Variants in KCTD19 observed in about 807,000 individuals in gnomAD.
The protein encoded by KCTD19 is BTB/POZ domain-containing protein KCTD19.
A neutral mutation model predicts 103.5 loss-of-function variants in KCTD19; 67 were observed. The observed-to-expected ratio is 0.65, with a 90% CI of 0.53 to 0.79. KCTD19 has a LOEUF of 0.79. Ranked by LOEUF, KCTD19 falls within the 30% of genes least tolerant of loss-of-function variation. The pLI, the probability that KCTD19 is intolerant of heterozygous loss-of-function variation, is 0.00. For missense variants in KCTD19, 980 were observed against 1,136.1 expected (o/e 0.86, Z 1.98); for synonymous variants, 439 against 452.2 (o/e 0.97, Z 0.37).
intron 2 of KCTD19, among the ~76,000 whole-genome samples, chr16:67,312,304 C>A (rs1597398267): frequency 6.6e-6 from 1 of 152,220 alleles, no homozygotes; most frequent in Non-Finnish European, 1.5e-5. Flanking sequence ...GACTCCCACC[C>A]AGGCTGATGG....
chr16:67,308,811 C>T (rs994572673), intron 2 of KCTD19, among the ~76,000 whole-genome samples: 1 of 151,998 alleles, frequency 6.6e-6, no homozygotes, highest in Non-Finnish European at 1.5e-5. Context: ...TGTTCTAGAA[C>T]CTAGCATGCA....
chr16:67,325,199 C>CTTTTTTTT (rs918808425), intron 1 of KCTD19, among the ~76,000 whole-genome samples: 21 of 132,322 alleles, frequency 1.6e-4, no homozygotes, highest in African/African-American at 5.2e-4. Context: ...TTCTTTTTTT[C>CTTTTTTTT]TTTTTTTCTT....
In KCTD19 at chr16:67,323,654, G is replaced by GA. The variant is rs2037099372; in HGVS notation, c.4-2770dup. ...TGATTCCATCCACATGCAATGTGTGGACAAGGCAAATTTCTAGAGATAGAA... is the reference window on the plus strand; with the variant it reads ...TGATTCCATCCACATGCAATGTGTGGAACAAGGCAAATTTCTAGAGATAGAA... On this transcript the variant is annotated intron_variant, in intron 1 of 15. Coordinates refer to ENST00000304372, the MANE Select transcript of KCTD19 (RefSeq NM_001100915.3). This position sits in a 1 kb window ranked among gnomAD's most constrained non-coding sequence, Gnocchi z 4.1. Among the ~76,000 whole-genome samples the GA allele has an allele frequency of 6.6e-6, 1 of 152,200 alleles. No individual in the cohort carries two copies.
chr16:67,304,358 G>A (rs1315749968), intron 3 of KCTD19, 63 bp downstream of exon 3: 6 of 1,536,336 alleles, frequency 3.9e-6, no homozygotes, highest in African/African-American at 1.4e-5. Context: ...AGCCACTTCT[G>A]TTAGGGTGAG....
chr16:67,304,268 G>A (rs1408231184), intron 3 of KCTD19, among the ~76,000 whole-genome samples, 153 bp downstream of exon 3: 1 of 152,134 alleles, frequency 6.6e-6, no homozygotes, highest in African/African-American at 2.4e-5. Flanking sequence ...GCCATGGAGA[G>A]GGCCTGTGGC....
At chr16:67,304,978 A>C (rs1477744527) in intron 2 of KCTD19, among the ~76,000 whole-genome samples, 1 of 152,132 alleles carries the variant, frequency 6.6e-6, no homozygotes, top group Non-Finnish European at 1.5e-5. Context: ...ACTTACTTTA[A>C]GTGTTTTGAA....
Position 67,303,526 on chromosome 16 carries a change from A to G in KCTD19, c.452-189T>C, listed in dbSNP as rs1386763237. Among the ~76,000 whole-genome samples the G allele has an allele frequency of 6.6e-6, 1 of 151,372 alleles. No individual in the cohort carries two copies. The highest frequency in any genetic ancestry group is 2.4e-5 in the African/African-American group (1 of 40,820). On this transcript the variant is annotated intron_variant, in intron 3 of 15. Coordinates refer to ENST00000304372, the MANE Select transcript of KCTD19 (RefSeq NM_001100915.3). This position sits in a 1 kb window ranked among gnomAD's most constrained non-coding sequence, Gnocchi z 4.3. ...TGTAGCCCTAAGGAGTGTGGTAGGG[A>G]GTGGGGCATGGAAGTCTATTTTTTT...
chr16:67,313,212 C>T (rs151000254), intron 2 of KCTD19, among the ~76,000 whole-genome samples: 3 of 151,830 alleles, frequency 2.0e-5, no homozygotes, highest in East Asian at 1.9e-4. Flanking sequence ...TAGGTTCAAG[C>T]GATTCTCTCA....
Position 67,297,084 on chromosome 16 carries a change from C to T in KCTD19, c.1147+419G>A, listed in dbSNP as rs561371488. ...GTGAAAACAACATTAGCTTTGGACT[C>T]AGTCAAACCCCAGCTTGACCACTGT... On this transcript the variant is annotated intron_variant, in intron 7 of 15. Coordinates refer to ENST00000304372, the MANE Select transcript of KCTD19 (RefSeq NM_001100915.3). Among the ~76,000 whole-genome samples the T allele has an allele frequency of 1.1e-4, 17 of 152,348 alleles. No homozygotes were observed. The South Asian group carries it at 2.7e-3, about 24-fold the overall frequency.
At chr16:67,297,745 G>C in intron 6 of KCTD19, 82 bp from the exon 7 acceptor site, 1 of 1,391,108 alleles carries the variant, frequency 7.2e-7, no homozygotes, top group Non-Finnish European at 9.8e-7. Context: ...CCATGCCTAG[G>C]ATGCCTTGCC....
At chr16:67,297,376 A>T in intron 7 of KCTD19, 127 bp downstream of exon 7, 2 of 971,492 alleles carry the variant, frequency 2.1e-6, no homozygotes, top group Non-Finnish European at 3.1e-6. Context: ...AAAAATCCAA[A>T]ATATTGGCCT....
intron 11 of KCTD19, 55 bp downstream of exon 11, chr16:67,294,525 G>T: frequency 8.0e-7 from 1 of 1,248,526 alleles, no homozygotes; most frequent in African/African-American, 1.5e-5. Context: ...TCCACCCTGA[G>T]CCCGGTGGTA....
Position 67,293,395 on chromosome 16 carries a change from T to C in KCTD19, c.2218+149A>G, listed in dbSNP as rs986703356. On this transcript the variant is annotated intron_variant, in intron 12 of 15. Coordinates refer to ENST00000304372, the MANE Select transcript of KCTD19 (RefSeq NM_001100915.3). This position sits in a 1 kb window ranked among gnomAD's most constrained non-coding sequence, Gnocchi z 4.0. ...TCCAGCCATGCCAATGTGCCAGTCA[T>C]TTCTGTGTCTGCTGCCTGGCACAGA... is the stretch of plus-strand genomic sequence containing the variant. 4 of 863,092 alleles carry C rather than the reference T, an allele frequency of 4.6e-6. No individual in the cohort carries two copies. In the African/African-American group the frequency reaches 5.1e-5, roughly 11 times the overall value. The allele number at this position is 863,092 out of a possible 1,614,324, so 53.5% of individuals were successfully genotyped here. A position where few individuals can be genotyped will look rare whatever the true frequency, so the allele number is the denominator to read the frequency against.
In KCTD19 at chr16:67,321,676, A is replaced by G. The variant is rs2037074222; in HGVS notation, c.4-791T>C. The G allele has an allele frequency of 2.0e-5, 3 of 152,148 alleles. No individual in the cohort carries two copies. In the South Asian group the frequency reaches 6.2e-4, roughly 32 times the overall value. The allele number at this position is 152,148 out of a possible 1,614,324, so 9.4% of individuals were successfully genotyped here. On this transcript the variant is annotated intron_variant, in intron 1 of 15. Coordinates refer to ENST00000304372, the MANE Select transcript of KCTD19 (RefSeq NM_001100915.3). ...TTTTTTTTTTTAAAGGCAGACTGCCACATGCAGCGCCTCATTAGGATGTGT... is the reference window on the plus strand; with the variant it reads ...TTTTTTTTTTTAAAGGCAGACTGCCGCATGCAGCGCCTCATTAGGATGTGT...
chr16:67,293,006 AGCTCCTGCTGCATTTCCTCT>A lies in KCTD19; in HGVS notation c.2218+518_2218+537del, dbSNP rs1380287927. Among the ~76,000 whole-genome samples, 1 of 152,018 alleles carries A rather than the reference AGCTCCTGCTGCATTTCCTCT, an allele frequency of 6.6e-6. No individual in the cohort carries two copies. The highest frequency in any genetic ancestry group is 2.4e-5 in the African/African-American group (1 of 41,398). On this transcript the variant is annotated intron_variant, in intron 12 of 15. Transcript: ENST00000304372. This position sits in a 1 kb window ranked among gnomAD's most constrained non-coding sequence, Gnocchi z 4.0. ...GAACTCCAAGTGGCTTCGAATACCT[AGCTCCTGCTGCATTTCCTCT>A]GCTCCTGGAGCAAACTTTCTGATGG...
Position 67,320,984 on chromosome 16 carries a change from A to C in KCTD19, c.4-99T>G, listed in dbSNP as rs1187798502. The C allele has an allele frequency of 3.9e-6, 4 of 1,021,372 alleles. No individual in the cohort carries two copies. Among genetic ancestry groups the C allele is most frequent in the Admixed American group, 5.5e-5 (2 of 36,196 alleles). The allele number at this position is 1,021,372 out of a possible 1,614,324, so 63.3% of individuals were successfully genotyped here. A position where few individuals can be genotyped will look rare whatever the true frequency, so the allele number is the denominator to read the frequency against. ...TAAACTATCTCTGTTTGCTGATGAC[A>C]TGATCTTGTATATAAAAAATCCTAA... On this transcript the variant is annotated intron_variant, in intron 1 of 15. Transcript: ENST00000304372. The surrounding 1 kb of genome is among the most constrained non-coding windows in gnomAD (Gnocchi z 4.0).
Position 67,290,985 on chromosome 16 carries a change from G to C in KCTD19, c.2567C>G (p.Thr856Ser). The C allele has an allele frequency of 1.2e-6, 2 of 1,614,004 alleles. No homozygotes were observed. Among genetic ancestry groups the C allele is most frequent in the Non-Finnish European group, 1.7e-6 (2 of 1,179,954 alleles). The change falls in exon 15 of 16, where the codon ACC (threonine) becomes AGC (serine). Residue 856 changes from threonine (T) to serine (S), a missense_variant and splice_region_variant. Coordinates refer to ENST00000304372, the MANE Select transcript of KCTD19 (RefSeq NM_001100915.3). ...AAACTGCTTGGGGCTGATGTGCAGG[G>C]TCTGCCAGGAGAGCCCACAGTCAGG... ...KVVSLANRLWTLHISPKQFVV... is the reference protein window; with the variant it reads ...KVVSLANRLWSLHISPKQFVV...
chr16:67,319,535 TC>T (rs2037049513), intron 2 of KCTD19, among the ~76,000 whole-genome samples: 1 of 152,100 alleles, frequency 6.6e-6, no homozygotes, highest in Admixed American at 6.6e-5. Flanking sequence ...ATTTAGTTCT[TC>T]CAGGTTAAAA....
chr16:67,291,873 A>T (rs191926403), intron 12 of KCTD19, 36 bp from the exon 13 acceptor site: 46,056 of 1,422,070 alleles, frequency 0.032, 1,101 homozygotes, highest in South Asian at 0.068. Flanking sequence ...CTCTCCTTTT[A>T]AAAAAAAATT....
Sources: gnomAD v4.1 joint callset for allele counts (sites outside exome capture counted in the v4.1 genomes callset) on GRCh38, gnomAD v4.1.1 for gene constraint, Gnocchi (gnomAD v3.1) non-coding constraint, MANE v1.5 for transcripts, NCBI Gene and HGNC (gene_info 2026-07-23, HGNC 2026-07-21) for gene names.